Variants in NAE1 observed in about 807,000 individuals in gnomAD.
The protein encoded by NAE1 is NEDD8 activating enzyme E1 subunit 1.
Under a neutral mutation model 88.0 loss-of-function variants are expected in NAE1, and 59 were observed. The ratio of observed to expected loss-of-function variants is 0.67; its 90% CI spans 0.54 to 0.83. The LOEUF (loss-of-function observed/expected upper bound fraction) is 0.83, where lower values mean the gene tolerates loss of function less well. NAE1 is among the 40% of genes least tolerant of loss of function. The pLI is 0.00. For synonymous variants in NAE1, 186 were observed against 208.9 expected (o/e 0.89, Z 0.95); for missense variants, 554 against 632.8 (o/e 0.88, Z 1.34).
rs182940235 is a variant in NAE1, at chr16:66,826,588, G to A, written c.158-5C>T. 8.1e-6 allele frequency: 13 copies of A among 1,613,970 alleles called. No individual in the cohort carries two copies. In the South Asian group the frequency reaches 9.9e-5, roughly 12 times the overall value. Reference sequence around the variant, plus strand: ...TAATTGTAAACGAACCAATACCTGAGAGCCAAAACAGAGTCAGTCAGGAAT... The same window carrying A: ...TAATTGTAAACGAACCAATACCTGAAAGCCAAAACAGAGTCAGTCAGGAAT... On this transcript the variant is annotated splice_region_variant and splice_polypyrimidine_tract_variant and intron_variant, in intron 2 of 19. Coordinates refer to ENST00000290810, the MANE Select transcript of NAE1 (RefSeq NM_003905.4).
At chr16:66,828,047 C>T in intron 1 of NAE1, 1 of 1,613,854 alleles carries the variant, frequency 6.2e-7, no homozygotes, top group Non-Finnish European at 8.5e-7. Context: ...CATAAGGGCC[C>T]AGACAGCTGT....
At chr16:66,814,420 G>A (rs1002788425) in intron 11 of NAE1, among the ~76,000 whole-genome samples, 1 of 151,834 alleles carries the variant, frequency 6.6e-6, no homozygotes, top group East Asian at 1.9e-4. Context: ...GGAAGACCCC[G>A]TCTATAGAAA....
chr16:66,813,273 G>A (rs560436759), intron 13 of NAE1: 27 of 273,080 alleles, frequency 9.9e-5, no homozygotes. Flanking sequence ...CTCCTGAGTA[G>A]TTGAGATTAA....
chr16:66,816,250 C>G (rs1165806779), intron 11 of NAE1, among the ~76,000 whole-genome samples: 1 of 152,112 alleles, frequency 6.6e-6, no homozygotes, highest in Non-Finnish European at 1.5e-5. Context: ...ACTATAACCT[C>G]TGCCTCCTGG....
intron 1 of NAE1, among the ~76,000 whole-genome samples, chr16:66,830,511 C>A (rs1377266785): frequency 6.6e-6 from 1 of 152,244 alleles, no homozygotes; most frequent in Non-Finnish European, 1.5e-5. Context: ...GTGCCGCCCT[C>A]GCGGCCGGGA....
chr16:66,823,303 G>T lies in NAE1; in HGVS notation c.325C>A (p.Pro109Thr). The part of the protein sequence containing the change: ...DVSGSFVEES[P>T]ENLLDNDPSF... ...GGATCATTGTCTAGAAGGTTTTCTG[G>T]ACTCTAAACAGGACAGCAAAGAAAA... The change falls in exon 6 of 20, where the codon CCA (proline) becomes ACA (threonine). Residue 109 changes from proline (P) to threonine (T), a missense_variant. Physicochemically the swap from Pro to Thr is conservative, Grantham distance 38 (BLOSUM62 -1). Transcript: ENST00000290810. The T allele has an allele frequency of 6.3e-7, 1 of 1,595,492 alleles. No individual in the cohort carries two copies. Among genetic ancestry groups the T allele is most frequent in the Non-Finnish European group, 8.5e-7 (1 of 1,172,900 alleles).
At chr16:66,811,894 C>G (rs898853094) in intron 13 of NAE1, among the ~76,000 whole-genome samples, 1 of 152,174 alleles carries the variant, frequency 6.6e-6, no homozygotes, top group African/African-American at 2.4e-5. Flanking sequence ...AGAGTGAAAT[C>G]TGTCTGGGGA....
At chr16:66,822,025 T>C (rs1418313031) in intron 6 of NAE1, among the ~76,000 whole-genome samples, 6 of 152,040 alleles carry the variant, frequency 3.9e-5, no homozygotes, top group Non-Finnish European at 8.8e-5. Flanking sequence ...AGGCACACCA[T>C]CTGGCTAAAT....
chr16:66,814,610 T>TACAC (rs10693264), intron 11 of NAE1, among the ~76,000 whole-genome samples: 68,509 of 138,370 alleles, frequency 0.5, 17,478 homozygotes, highest in East Asian at 0.62. Context: ...AAAAAAAAAA[T>TACAC]ACACACACAC....
chr16:66,807,508 C>A (rs1959611957), intron 17 of NAE1, among the ~76,000 whole-genome samples: 2 of 151,972 alleles, frequency 1.3e-5, no homozygotes, highest in Admixed American at 6.6e-5. Flanking sequence ...GGCGAGGTGG[C>A]GGGCGCCTAT....
At chr16:66,822,135 G>C (rs1413159155) in intron 6 of NAE1, among the ~76,000 whole-genome samples, 1 of 152,106 alleles carries the variant, frequency 6.6e-6, no homozygotes, top group African/African-American at 2.4e-5. Context: ...GGTTCTGCTG[G>C]AATTACAGGC....
At chr16:66,824,545 T>C (rs1960386733) in intron 4 of NAE1, 3 of 179,586 alleles carry the variant, frequency 1.7e-5, no homozygotes, top group Non-Finnish European at 3.5e-5. Flanking sequence ...TGAGTCGAGA[T>C]CGCGCCACTG....
chr16:66,807,501 G>A (rs1167137750), intron 17 of NAE1, among the ~76,000 whole-genome samples: 7 of 152,082 alleles, frequency 4.6e-5, no homozygotes, highest in African/African-American at 9.7e-5. Context: ...TTAGCTGGGC[G>A]AGGTGGCGGG....
rs137985751 is a variant in NAE1, at chr16:66,826,574, G to A, written c.167C>T (p.Ser56Leu). 26 of 1,613,944 alleles carry A rather than the reference G, an allele frequency of 1.6e-5. No homozygotes were observed. Among genetic ancestry groups the A allele is most frequent in the African/African-American group, 8.0e-5 (6 of 74,902 alleles). ...CTGATTTCCATCAATAATTGTAAAC[G>A]AACCAATACCTGAGAGCCAAAACAG... ...LKNLVLPGIG[S>L]FTIIDGNQVS... The change falls in exon 3 of 20, where the codon TCG (serine) becomes TTG (leucine). Residue 56 changes from serine (S) to leucine (L), a missense_variant. Physicochemically the swap from Ser to Leu is moderately radical, Grantham distance 145. Transcript: ENST00000290810.
rs571434824 is a variant in NAE1 at position 66,814,463 on chromosome 16, C to T, written c.841-617G>A. On this transcript the variant is annotated intron_variant, in intron 11 of 19. Coordinates refer to ENST00000290810, the MANE Select transcript of NAE1 (RefSeq NM_003905.4). The stretch of plus-strand genomic sequence containing the variant: ...AGTAAATTAGCTGCGCGTGGTGGCA[C>T]GTGCCTGTGGTCCCAGCTACTTGGG... Among the ~76,000 whole-genome samples, 17 of 151,804 alleles carry T rather than the reference C, an allele frequency of 1.1e-4. No individual in the cohort carries two copies. In the East Asian group the frequency reaches 3.3e-3, roughly 29 times the overall value.
Position 66,823,188 on chromosome 16 carries a change from A to G in NAE1, c.401+39T>C, listed in dbSNP as rs369732064. On this transcript the variant is annotated intron_variant, in intron 6 of 19. Coordinates refer to ENST00000290810, the MANE Select transcript of NAE1 (RefSeq NM_003905.4). ...AAGAAAATAAAACAATGCAAATCTA[A>G]TAAGATTAAAATAAAAACATATTAA... The G allele has an allele frequency of 4.0e-5, 52 of 1,289,898 alleles. 1 individual carries two copies. In the East Asian group the frequency reaches 1.0e-3, roughly 26 times the overall value. 79.9% of individuals were successfully genotyped at this position (1,289,898 alleles called of 1,614,324 possible). A position where few individuals can be genotyped will look rare whatever the true frequency, so the allele number is the denominator to read the frequency against.
At chr16:66,827,049 G>A (rs1246275579) in intron 1 of NAE1, among the ~76,000 whole-genome samples, 1 of 152,138 alleles carries the variant, frequency 6.6e-6, no homozygotes, top group Admixed American at 6.5e-5. Context: ...GCACAAGAGC[G>A]ACACTCTGTC....
chr16:66,828,721 G>A (rs2145359298), intron 1 of NAE1, among the ~76,000 whole-genome samples: 1 of 151,928 alleles, frequency 6.6e-6, no homozygotes, highest in Admixed American at 6.6e-5. Context: ...GCCAGGCACT[G>A]TGGCTCATGC....
At chr16:66,810,670 A>C in intron 14 of NAE1, 27 bp downstream of exon 14, 1 of 1,588,504 alleles carries the variant, frequency 6.3e-7, no homozygotes, top group Non-Finnish European at 8.6e-7. Context: ...TGAGGCCTGT[A>C]TGGGCACAGT....
Sources: allele counts gnomAD v4.1 joint callset (sites outside exome capture counted in the v4.1 genomes callset), GRCh38; gene constraint gnomAD v4.1.1; transcripts MANE v1.5; gene names NCBI Gene and HGNC (gene_info 2026-07-23, HGNC 2026-07-21).